The following SYT1 variants were observed in gnomAD, a reference collection of about 807,000 sequenced individuals.
SYT1 encodes synaptotagmin 1.
A neutral mutation model predicts 44.8 loss-of-function variants in SYT1; 8 were observed. That is an observed-to-expected ratio of 0.18 (90% CI 0.10 to 0.32). The LOEUF is 0.32. Among genes scored for constraint, SYT1 ranks in the 10% least tolerant of loss-of-function variants. SYT1 has a pLI of 1.00. For synonymous variants in SYT1, 154 were observed against 188.8 expected (o/e 0.82, Z 1.51); for missense variants, 286 against 509.3 (o/e 0.56, Z 4.22).
chr12:79,375,054 G>A (rs1182677523), intron 9 of SYT1, among the ~76,000 whole-genome samples: 1 of 152,138 alleles, frequency 6.6e-6, no homozygotes, highest in Non-Finnish European at 1.5e-5. Flanking sequence ...TTTATTTATG[G>A]ATACTGATAT....
chr12:79,069,771 G>T (rs1665702954), intron 3 of SYT1, among the ~76,000 whole-genome samples: 1 of 151,950 alleles, frequency 6.6e-6, no homozygotes, highest in Admixed American at 6.6e-5. Flanking sequence ...CATAACTGTT[G>T]TGTTACTCTT....
At chr12:79,423,993 T>G (rs1430942116) in intron 9 of SYT1, among the ~76,000 whole-genome samples, 3 of 151,674 alleles carry the variant, frequency 2.0e-5, no homozygotes, top group Non-Finnish European at 4.4e-5. Flanking sequence ...TTTTTTCTAT[T>G]TAGGTTAATA....
chr12:78,921,568 A>G (rs1396198816), intron 1 of SYT1, among the ~76,000 whole-genome samples: 2 of 151,938 alleles, frequency 1.3e-5, no homozygotes, highest in Non-Finnish European at 2.9e-5. Flanking sequence ...ATGTTATTAC[A>G]CAGCTCAGGT....
intron 2 of SYT1, among the ~76,000 whole-genome samples, chr12:79,025,126 T>C (rs1592674001): frequency 6.6e-6 from 1 of 151,862 alleles, no homozygotes; most frequent in Non-Finnish European, 1.5e-5. Flanking sequence ...GTTCCATGTG[T>C]GTTTTTAATA....
chr12:78,927,531 T>A (rs993097262), intron 1 of SYT1, among the ~76,000 whole-genome samples: 1 of 152,178 alleles, frequency 6.6e-6, no homozygotes, highest in African/African-American at 2.4e-5. Flanking sequence ...TTAAATTTCA[T>A]GACCCTTTCT....
At chr12:79,258,401 T>C (rs564353952) in intron 4 of SYT1, among the ~76,000 whole-genome samples, 2 of 152,328 alleles carry the variant, frequency 1.3e-5, no homozygotes, top group Admixed American at 1.3e-4. Context: ...CTGAGAGTTC[T>C]TCCAAGGATA....
intron 1 of SYT1, among the ~76,000 whole-genome samples, chr12:78,961,146 C>T (rs970721144): frequency 3.3e-5 from 5 of 151,778 alleles, no homozygotes; most frequent in Admixed American, 2.6e-4. Context: ...CTCACTTTGT[C>T]ATGCAGCCTG....
intron 1 of SYT1, among the ~76,000 whole-genome samples, chr12:78,936,566 C>T (rs913411209): frequency 6.6e-6 from 1 of 151,998 alleles, no homozygotes. Context: ...AGATTAATTA[C>T]AATTTTTCCT....
At chr12:78,952,835 A>G (rs1565734238) in intron 1 of SYT1, among the ~76,000 whole-genome samples, 2 of 152,152 alleles carry the variant, frequency 1.3e-5, no homozygotes, top group African/African-American at 4.8e-5. Flanking sequence ...GAGACTGCAT[A>G]GATTTATTGA....
chr12:79,106,290 A>G (rs995831152), intron 3 of SYT1, among the ~76,000 whole-genome samples: 2 of 152,238 alleles, frequency 1.3e-5, no homozygotes, highest in African/African-American at 2.4e-5. Context: ...CTAAGGTCCA[A>G]GTATAGTTCA....
chr12:79,293,156 CAA>C lies in SYT1; in HGVS notation c.474+1043_474+1044del, dbSNP rs746607482. On this transcript the variant is annotated intron_variant, in intron 6 of 10. Coordinates refer to ENST00000261205, the MANE Select transcript of SYT1 (RefSeq NM_005639.3). ...TGAAACCCTGTCTCTACAAAAAATA[CAA>C]AAAAAAAAAAAAAAAATTAGCTGGG... Among the ~76,000 whole-genome samples, 518 of 107,298 alleles carry C rather than the reference CAA, an allele frequency of 4.8e-3. 4 individuals carry two copies. The highest frequency in any genetic ancestry group is 0.016 in the African/African-American group (440 of 27,324). 70.4% of individuals were successfully genotyped at this position (107,298 alleles called of 152,430 possible).
rs892692220 is a variant in SYT1, at chr12:79,078,954, C to A, written c.-18+31592C>A. Among the ~76,000 whole-genome samples the A allele has an allele frequency of 2.0e-4, 31 of 152,076 alleles. No homozygotes were observed. In the East Asian group the frequency reaches 5.6e-3, roughly 27 times the overall value. ...AATGGTAAGTGATAAATATATTCAG[C>A]TATATTAAGAGGAAGAATTTAAAAG... is the stretch of plus-strand genomic sequence containing the variant. On this transcript the variant is annotated intron_variant, in intron 3 of 10. Coordinates refer to ENST00000261205, the MANE Select transcript of SYT1 (RefSeq NM_005639.3).
At chr12:79,241,113 C>T (rs1876477383) in intron 4 of SYT1, among the ~76,000 whole-genome samples, 1 of 152,140 alleles carries the variant, frequency 6.6e-6, no homozygotes. Flanking sequence ...GTCAAGGCTA[C>T]AAGTGAACTG....
chr12:78,894,284 G>C (rs896090715), intron 1 of SYT1, among the ~76,000 whole-genome samples: 2 of 84,044 alleles, frequency 2.4e-5, no homozygotes, highest in Admixed American at 2.5e-4. Context: ...TCCATTTTCA[G>C]TTTTAATTTT....
intron 2 of SYT1, chr12:79,045,502 C>G (rs547777476): frequency 1.9e-4 from 29 of 156,638 alleles, no homozygotes; most frequent in African/African-American, 7.0e-4. Context: ...CGCACACCCA[C>G]TGACCTGCTC....
intron 1 of SYT1, among the ~76,000 whole-genome samples, chr12:78,889,584 T>A (rs1024109004): frequency 2.0e-5 from 3 of 151,844 alleles, no homozygotes; most frequent in Non-Finnish European, 4.4e-5. Flanking sequence ...TGGGAAAGAG[T>A]GTGAGCAAAG....
rs541482652 is a variant in SYT1 at position 78,874,769 on chromosome 12, C to G, written c.-217+9660C>G. ...GGTCAGAACCAAGCCTATTCTCCTT[C>G]CTACCACTGTACCACTAGTACTCAA... On this transcript the variant is annotated intron_variant, in intron 1 of 10. Transcript: ENST00000261205. 2.8e-3 allele frequency among the ~76,000 whole-genome samples: 423 copies of G among 151,650 alleles called. 1 individual carries two copies. The highest frequency in any genetic ancestry group is 9.8e-3 in the African/African-American group (406 of 41,440).
intron 1 of SYT1, among the ~76,000 whole-genome samples, chr12:78,965,287 A>G (rs1879711018): frequency 6.6e-6 from 1 of 152,164 alleles, no homozygotes; most frequent in Non-Finnish European, 1.5e-5. Flanking sequence ...TTTTCAGTTT[A>G]TGAAAATGCT....
intron 3 of SYT1, among the ~76,000 whole-genome samples, chr12:79,095,449 T>C (rs1878061741): frequency 6.6e-6 from 1 of 151,948 alleles, no homozygotes; most frequent in Non-Finnish European, 1.5e-5. Context: ...CTCTTCTTTT[T>C]TTTAATTTGA....
Sources: gnomAD v4.1 joint callset for allele counts (sites outside exome capture counted in the v4.1 genomes callset) on GRCh38, gnomAD v4.1.1 for gene constraint, MANE v1.5 for transcripts, NCBI Gene and HGNC (gene_info 2026-07-23, HGNC 2026-07-21) for gene names.